BTBD8: variants seen among roughly 807,000 people sequenced by gnomAD.
BTBD8 encodes the protein BTB/POZ domain-containing protein 8.
In BTBD8, 110 loss-of-function variants were observed where a neutral mutation model predicts 162.9. That is an observed-to-expected ratio of 0.68 (90% CI 0.58 to 0.79). The LOEUF is 0.79. Among genes scored for constraint, BTBD8 ranks in the 30% least tolerant of loss-of-function variants. The pLI is 0.00. For missense variants in BTBD8, 1,905 were observed against 2,085.4 expected (o/e 0.91, Z 1.68); for synonymous variants, 667 against 716.1 (o/e 0.93, Z 1.10).
chr1:92,167,885 C>A lies in BTBD8; in HGVS notation c.1343C>A (p.Thr448Lys), dbSNP rs187352322. 1,348 of 1,550,994 alleles carry A rather than the reference C, an allele frequency of 8.7e-4. 1 individual carries two copies. Among genetic ancestry groups the A allele is most frequent in the Non-Finnish European group, 1.1e-3 (1,258 of 1,146,458 alleles). The change falls in exon 11 of 18, where the codon ACA becomes AAA. Residue 448 changes from threonine (T) to lysine (K), a missense_variant. Physicochemically the swap from Thr to Lys is moderately conservative, Grantham distance 78. Around this residue, in one of 3 missense-constraint regions of BTBD8, gnomAD observed 1,374 missense variants for 1,442.7 expected, o/e 0.95. Coordinates refer to ENST00000636805, the MANE Select transcript of BTBD8 (RefSeq NM_001376131.1). ...AMSSTADLLD[T>K]ILKAIEENIT... ...AGCAGCACAGCCGATCTGTTGGACACAATTTTAAAAGCAATTGAAGAAAAT... is the reference window on the plus strand; with the variant it reads ...AGCAGCACAGCCGATCTGTTGGACAAAATTTTAAAAGCAATTGAAGAAAAT...
chr1:92,091,574 G>A lies in BTBD8; in HGVS notation c.347+2679G>A, dbSNP rs181462693. Among the ~76,000 whole-genome samples, 3 of 151,032 alleles carry A rather than the reference G, an allele frequency of 2.0e-5. No individual in the cohort carries two copies. The East Asian group carries it at 5.9e-4, about 29-fold the overall frequency. ...TTTTTAGACGGAGTCTCGCTCTGTC[G>A]CCCAGGGTGGAGTGCAGTGGCGCAA... On this transcript the variant is annotated intron_variant, in intron 2 of 17. Coordinates refer to ENST00000636805, the MANE Select transcript of BTBD8 (RefSeq NM_001376131.1).
intron 7 of BTBD8, among the ~76,000 whole-genome samples, chr1:92,146,654 CT>C (rs1443286953): frequency 2.6e-5 from 4 of 152,144 alleles, no homozygotes. Flanking sequence ...GACCTTTTTA[CT>C]GTCTCTGTAG....
Position 92,177,463 on chromosome 1 carries a change from C to T in BTBD8, c.2270C>T (p.Pro757Leu). 1 of 1,551,586 alleles carries T rather than the reference C, an allele frequency of 6.4e-7. No homozygotes were observed. The highest frequency in any genetic ancestry group is 8.7e-7 in the Non-Finnish European group (1 of 1,147,002). The change falls in exon 14 of 18, where the codon CCT becomes CTT. Residue 757 changes from proline (P) to leucine (L), a missense_variant. Coordinates refer to ENST00000636805, the MANE Select transcript of BTBD8 (RefSeq NM_001376131.1). ...AATGGATCAACAGAAGAAGAAAAGC[C>T]TTCTGGACATAAACTATCCTTTTGT... ...KENGSTEEEK[P>L]SGHKLSFCDS...
chr1:92,088,899 A>G lies in BTBD8; in HGVS notation c.347+4A>G. ...TAGAATTTAGAACGTTTTTACAGTA[A>G]GTGCTTTCTTTATCCATGTAAGTCT... On this transcript the variant is annotated splice_donor_region_variant and intron_variant, in intron 2 of 17. Transcript: ENST00000636805. The G allele has an allele frequency of 6.2e-7, 1 of 1,600,542 alleles. No homozygotes were observed. The highest frequency in any genetic ancestry group is 8.5e-7 in the Non-Finnish European group (1 of 1,172,310).
chr1:92,107,821 A>G (rs1286188397), intron 3 of BTBD8, 63 bp from the exon 4 acceptor site: 2 of 1,359,560 alleles, frequency 1.5e-6, no homozygotes, highest in Non-Finnish European at 1.0e-6. Context: ...ATAATAATAG[A>G]AAACAATTTT....
chr1:92,125,552 C>T (rs534207047), intron 4 of BTBD8: 9 of 298,432 alleles, frequency 3.0e-5, no homozygotes, highest in African/African-American at 1.8e-4. Flanking sequence ...GAAATCTCTC[C>T]TCCTCCACCC....
At chr1:92,153,102 T>A (rs1241612163) in intron 9 of BTBD8, among the ~76,000 whole-genome samples, 2 of 150,454 alleles carry the variant, frequency 1.3e-5, no homozygotes, top group African/African-American at 4.9e-5. Context: ...GAAAATCTTA[T>A]AATAGGTACA....
chr1:92,129,171 GAAAAAA>G (rs1182733523), intron 4 of BTBD8, among the ~76,000 whole-genome samples: 1 of 149,532 alleles, frequency 6.7e-6, no homozygotes, highest in Admixed American at 6.7e-5. Flanking sequence ...AACCTTCAAA[GAAAAAA>G]AAAGACAGCA....
chr1:92,171,306 A>G (rs1650536898), intron 12 of BTBD8, 93 bp from the exon 13 acceptor site: 2 of 906,948 alleles, frequency 2.2e-6, no homozygotes, highest in Non-Finnish European at 3.3e-6. Context: ...CCATCAAAAT[A>G]TAACCTTTTT....
chr1:92,134,892 TTAA>T lies in BTBD8; in HGVS notation c.753-4456_753-4454del, dbSNP rs1222223719. Among the ~76,000 whole-genome samples the T allele has an allele frequency of 2.2e-4, 17 of 79,000 alleles. No homozygotes were observed. In the East Asian group the frequency reaches 2.4e-3, roughly 11 times the overall value. 51.8% of individuals were successfully genotyped at this position (79,000 alleles called of 152,430 possible). A position where few individuals can be genotyped will look rare whatever the true frequency, so the allele number is the denominator to read the frequency against. On this transcript the variant is annotated intron_variant, in intron 5 of 17. Coordinates refer to ENST00000636805, the MANE Select transcript of BTBD8 (RefSeq NM_001376131.1). ...TTATTTTATTTAATTAATTAATTAA[TTAA>T]TTTTTTTTTTTTTTAGACAGAATTT...
intron 4 of BTBD8, among the ~76,000 whole-genome samples, chr1:92,119,111 A>T (rs973607094): frequency 3.3e-5 from 5 of 151,536 alleles, no homozygotes; most frequent in African/African-American, 4.9e-5. Flanking sequence ...AGACTTTATA[A>T]ATACTAAGGA....
At chr1:92,147,556 G>A (rs1649953388) in intron 8 of BTBD8, 128 bp from the exon 9 acceptor site, 1 of 682,934 alleles carries the variant, frequency 1.5e-6, no homozygotes, top group Non-Finnish European at 2.4e-6. Flanking sequence ...CCATTTTAGG[G>A]TTCATAAAAT....
At chr1:92,112,872 A>G (rs923376197) in intron 4 of BTBD8, among the ~76,000 whole-genome samples, 1 of 152,244 alleles carries the variant, frequency 6.6e-6, no homozygotes, top group Non-Finnish European at 1.5e-5. Flanking sequence ...ATAAATAAAT[A>G]AATACATTCT....
chr1:92,167,248 T>A, intron 10 of BTBD8, 108 bp downstream of exon 10: 3 of 1,322,028 alleles, frequency 2.3e-6, no homozygotes, highest in Non-Finnish European at 3.1e-6. Flanking sequence ...TAATGTGATT[T>A]AAATAAACTC....
At position 92,184,144 on chromosome 1, in the gene BTBD8, G is replaced by T; in HGVS notation, c.5193G>T (p.Gln1731His). The change falls in exon 18 of 18, where the codon CAG becomes CAT. Residue 1731 changes from glutamine (Q) to histidine (H), a missense_variant. This residue lies in a region of BTBD8 where 517 missense variants were observed against 606.6 expected (regional missense o/e 0.85). Coordinates refer to ENST00000636805, the MANE Select transcript of BTBD8 (RefSeq NM_001376131.1). ...GTTTAGCACAGTATCTAATCAATCAGACACTACTTTTAGCACGAGATAGCT... is the reference window on the plus strand; with the variant it reads ...GTTTAGCACAGTATCTAATCAATCATACACTACTTTTAGCACGAGATAGCT... Reference protein sequence around the residue: ...DLSLAQYLINQTLLLARDSSK... With the variant: ...DLSLAQYLINHTLLLARDSSK... 6.4e-7 allele frequency: 1 copy of T among 1,551,604 alleles called. No individual in the cohort carries two copies. Among genetic ancestry groups the T allele is most frequent in the Non-Finnish European group, 8.7e-7 (1 of 1,146,870 alleles).
chr1:92,169,383 T>A (rs993052792), intron 12 of BTBD8, among the ~76,000 whole-genome samples: 4 of 152,218 alleles, frequency 2.6e-5, no homozygotes, highest in African/African-American at 7.2e-5. Context: ...TCCATCTTTT[T>A]CATAAGACAC....
intron 1 of BTBD8, among the ~76,000 whole-genome samples, chr1:92,086,119 G>T (rs952623181): frequency 6.6e-6 from 1 of 152,166 alleles, no homozygotes; most frequent in Admixed American, 6.5e-5. Context: ...ATGTTCTTCT[G>T]GTTTAAGATA....
intron 7 of BTBD8, 84 bp downstream of exon 7, chr1:92,141,295 G>A: frequency 7.5e-7 from 1 of 1,337,342 alleles, no homozygotes; most frequent in South Asian, 1.5e-5. Flanking sequence ...GATAGTAATA[G>A]TGCTTTAAAT....
Position 92,181,161 on chromosome 1 carries a change from G to T in BTBD8, c.3478G>T (p.Ala1160Ser), listed in dbSNP as rs1253749628. 1.3e-6 allele frequency: 2 copies of T among 1,551,604 alleles called. No homozygotes were observed. Among genetic ancestry groups the T allele is most frequent in the Admixed American group, 3.9e-5 (2 of 50,998 alleles). Reference sequence around the variant, plus strand: ...AAGGACAAATGGTACCTTAAATTCTGCTCAAGAAGACAAAAAATCGAAAGT... The same window carrying T: ...AAGGACAAATGGTACCTTAAATTCTTCTCAAGAAGACAAAAAATCGAAAGT... Reference protein sequence around the residue: ...PERTNGTLNSAQEDKKSKVPV... With the variant: ...PERTNGTLNSSQEDKKSKVPV... Residue 1160 changes from alanine to serine, a missense_variant, in exon 17 of 18, where the codon GCT (alanine) becomes TCT (serine). Coordinates refer to ENST00000636805, the MANE Select transcript of BTBD8 (RefSeq NM_001376131.1).
Sources: allele counts gnomAD v4.1 joint callset (sites outside exome capture counted in the v4.1 genomes callset), GRCh38; gene constraint gnomAD v4.1.1; regional missense constraint gnomAD v4.1.1; transcripts MANE v1.5; gene names NCBI Gene and HGNC (gene_info 2026-07-23, HGNC 2026-07-21).